The following SAMD8 variants were observed in gnomAD, a reference collection of about 807,000 sequenced individuals.
SAMD8 encodes sterile alpha motif domain containing 8.
A neutral mutation model predicts 42.0 loss-of-function variants in SAMD8; 20 were observed. That is an observed-to-expected ratio of 0.48 (90% confidence interval 0.34 to 0.69). The LOEUF is 0.69. Among genes scored for constraint, SAMD8 ranks in the 30% least tolerant of loss-of-function variants. The pLI is 0.01. For synonymous variants in SAMD8, 162 were observed against 173.0 expected, an observed-to-expected ratio of 0.94 and a Z score of 0.50; for missense variants, 328 against 511.6, an observed-to-expected ratio of 0.64 and a Z score of 3.46.
At chr10:75,112,523 C>G (rs1346646803) in intron 1 of SAMD8, among the ~76,000 whole-genome samples, 5 of 151,936 alleles carry the variant, frequency 3.3e-5, no homozygotes, top group African/African-American at 1.2e-4. Context: ...CACTGATTTG[C>G]CTAAAGGACT....
intron 1 of SAMD8, among the ~76,000 whole-genome samples, chr10:75,128,943 T>C (rs1380160102): frequency 2.0e-5 from 3 of 151,686 alleles, no homozygotes; most frequent in Non-Finnish European, 4.4e-5. Context: ...ATGTATTACT[T>C]CTTCTGCAAA....
intron 1 of SAMD8, chr10:75,104,151 G>A: frequency 8.0e-7 from 1 of 1,248,582 alleles, no homozygotes; most frequent in South Asian, 1.3e-5. Context: ...GCCCAGGCTG[G>A]CTGGGACTTG....
intron 1 of SAMD8, among the ~76,000 whole-genome samples, chr10:75,114,627 A>G (rs1479007833): frequency 6.6e-6 from 1 of 152,232 alleles, no homozygotes; most frequent in Non-Finnish European, 1.5e-5. Context: ...AGATGTTTCC[A>G]TGAATAGTAT....
Position 75,176,061 on chromosome 10 carries a change from C to A in SAMD8, c.793-5C>A. The A allele has an allele frequency of 6.2e-7, 1 of 1,608,120 alleles. No individual in the cohort carries two copies. The highest frequency in any genetic ancestry group is 8.5e-7 in the Non-Finnish European group (1 of 1,176,826). On this transcript the variant is annotated splice_region_variant and splice_polypyrimidine_tract_variant and intron_variant, in intron 4 of 5. Coordinates refer to ENST00000542569, the MANE Select transcript of SAMD8 (RefSeq NM_001174156.2). The surrounding 1 kb of genome is among the most constrained non-coding windows in gnomAD (Gnocchi z 4.3). ...GAAGCACTAATTCATAACTTTTCTT[C>A]ATAGATATATGGCAGTGTATGGGAG...
At position 75,121,920 on chromosome 10, in the gene SAMD8, G is replaced by A. The variant is rs370699438; in HGVS notation, c.-16+10198G>A. Among the ~76,000 whole-genome samples the A allele has an allele frequency of 2.0e-4, 30 of 152,198 alleles. 1 individual carries two copies. The highest frequency in any genetic ancestry group is 1.4e-3 in the East Asian group (7 of 5,184). ...TTGGCCAGGCTGGTCTTGAACTCCT[G>A]ACCTCAAGTGATCCACCCTCTTTGG... is the stretch of plus-strand genomic sequence containing the variant. On this transcript the variant is annotated intron_variant, in intron 1 of 5. Coordinates refer to ENST00000542569, the MANE Select transcript of SAMD8 (RefSeq NM_001174156.2).
At chr10:75,160,202 A>G (rs1242178161) in intron 2 of SAMD8, among the ~76,000 whole-genome samples, 1 of 151,916 alleles carries the variant, frequency 6.6e-6, no homozygotes, top group Non-Finnish European at 1.5e-5. Flanking sequence ...AAGAAAATTA[A>G]ATTTTTTTTT....
At chr10:75,169,169 CAAAAA>C (rs1023080854) in intron 4 of SAMD8, among the ~76,000 whole-genome samples, 18 of 30,234 alleles carry the variant, frequency 6.0e-4, no homozygotes, top group South Asian at 1.7e-3. Context: ...GACTCCATCT[CAAAAA>C]AAAAAAAAAA....
chr10:75,111,411 A>G (rs1010490779), upstream of SAMD8: 577 of 856,540 alleles, frequency 6.7e-4, 2 homozygotes, highest in Middle Eastern at 4.2e-4. Flanking sequence ...GCCCATCTGG[A>G]GCCTCGCGTC....
chr10:75,105,795 G>A (rs778826754), intron 1 of SAMD8: 37 of 1,550,964 alleles, frequency 2.4e-5, no homozygotes, highest in Non-Finnish European at 3.2e-5. Flanking sequence ...ACAGCCGCTG[G>A]TGCAGCATGA....
In SAMD8 at chr10:75,174,916, A is replaced by T. The variant is rs1840957555; in HGVS notation, c.793-1150A>T. ...ACACACAATGGTTTATTCTCTCTCA[A>T]AAAAGAGTCTGAAGGTAGGTACACA... On this transcript the variant is annotated intron_variant, in intron 4 of 5. Transcript: ENST00000542569. 3.3e-5 allele frequency among the ~76,000 whole-genome samples: 5 copies of T among 152,202 alleles called. No individual in the cohort carries two copies. The South Asian group carries it at 1.0e-3, about 32-fold the overall frequency.
intron 2 of SAMD8, among the ~76,000 whole-genome samples, chr10:75,161,553 GAAAA>G (rs200288673): frequency 7.2e-6 from 1 of 139,824 alleles, no homozygotes; most frequent in Admixed American, 7.2e-5. Flanking sequence ...AGCGCAAACA[GAAAA>G]AAAAAAGTAA....
chr10:75,137,542 A>C (rs1325574741), intron 1 of SAMD8, among the ~76,000 whole-genome samples: 1 of 151,472 alleles, frequency 6.6e-6, no homozygotes, highest in African/African-American at 2.4e-5. Context: ...TCCGTCTCAA[A>C]AAAAAAAAAA....
intron 1 of SAMD8, chr10:75,105,664 G>T: frequency 6.5e-7 from 1 of 1,548,356 alleles, no homozygotes; most frequent in Non-Finnish European, 8.7e-7. Flanking sequence ...GCCTCACCTG[G>T]CCCCTCAGCT....
At chr10:75,152,697 T>A (rs1424916050) in intron 2 of SAMD8, among the ~76,000 whole-genome samples, 1 of 151,730 alleles carries the variant, frequency 6.6e-6, no homozygotes, top group Non-Finnish European at 1.5e-5. Context: ...AAGACCCCCA[T>A]CTCTCCAAAA....
chr10:75,173,293 C>T (rs1228445860), intron 4 of SAMD8, among the ~76,000 whole-genome samples: 1 of 152,152 alleles, frequency 6.6e-6, no homozygotes, highest in African/African-American at 2.4e-5. Flanking sequence ...AAGGTAGTTT[C>T]ATTATAATAA....
At chr10:75,166,187 C>T (rs1417375653) in intron 3 of SAMD8, among the ~76,000 whole-genome samples, 4 of 151,646 alleles carry the variant, frequency 2.6e-5, no homozygotes, top group African/African-American at 9.7e-5. Context: ...AGGCAGTGTA[C>T]CCAGAGTCAG....
chr10:75,101,629 A>C (rs1375489118), intron 1 of SAMD8, among the ~76,000 whole-genome samples: 1 of 152,196 alleles, frequency 6.6e-6, no homozygotes, highest in Non-Finnish European at 1.5e-5. Flanking sequence ...ACCGAGACTC[A>C]GAGAGGTTAA....
chr10:75,123,700 CT>C (rs377567700), intron 1 of SAMD8, among the ~76,000 whole-genome samples: 267 of 148,186 alleles, frequency 1.8e-3, no homozygotes, highest in African/African-American at 6.1e-3. Flanking sequence ...TCTTTTCTTT[CT>C]TTTTTTTTTG....
Position 75,151,071 on chromosome 10 carries a change from G to A in SAMD8, c.543G>A (p.Gln181=). ...VIVHERVPDM[Q]TYPPLPDIFL... is the part of the protein sequence containing the mutation. The stretch of plus-strand genomic sequence containing the variant: ...TCCATGAGCGAGTGCCTGACATGCA[G>A]ACCTATCCACCACTCCCAGATATAT... Residue 181 remains glutamine (Q), a synonymous_variant, in exon 2 of 6, where the codon CAG becomes CAA. Coordinates refer to ENST00000542569, the MANE Select transcript of SAMD8 (RefSeq NM_001174156.2). 1 of 1,551,136 alleles carries A rather than the reference G, an allele frequency of 6.4e-7. No homozygotes were observed. Among genetic ancestry groups the A allele is most frequent in the Non-Finnish European group, 8.7e-7 (1 of 1,148,872 alleles).
Sources: gnomAD v4.1 joint callset for allele counts (sites outside exome capture counted in the v4.1 genomes callset) on GRCh38, gnomAD v4.1.1 for gene constraint, Gnocchi (gnomAD v3.1) non-coding constraint, MANE v1.5 for transcripts, NCBI Gene and HGNC (gene_info 2026-07-23, HGNC 2026-07-21) for gene names.